The following NELL1 variants were observed in gnomAD, a reference collection of about 807,000 sequenced individuals.
NELL1 encodes protein kinase C-binding protein NELL1.
Under a neutral mutation model 107.4 loss-of-function variants are expected in NELL1, and 76 were observed. That is an observed-to-expected ratio of 0.71 (90% CI 0.59 to 0.86). NELL1 has a LOEUF of 0.86. Ranked by LOEUF, NELL1 falls within the 40% of genes least tolerant of loss-of-function variation. NELL1 has a pLI of 0.00. For missense variants in NELL1, 1,024 were observed against 1,005.5 expected (o/e 1.02, Z -0.25); for synonymous variants, 353 against 341.2 (o/e 1.03, Z -0.38).
chr11:20,803,077 C>T (rs934705933), intron 3 of NELL1, among the ~76,000 whole-genome samples: 1 of 151,998 alleles, frequency 6.6e-6, no homozygotes, highest in Non-Finnish European at 1.5e-5. Flanking sequence ...TAATGCTGCC[C>T]TGATATAATG....
intron 2 of NELL1, among the ~76,000 whole-genome samples, chr11:20,762,853 G>A (rs1856452357): frequency 6.6e-6 from 1 of 152,108 alleles, no homozygotes; most frequent in South Asian, 2.1e-4. Flanking sequence ...GGGACTTGAG[G>A]GAATAGTGGC....
intron 3 of NELL1, among the ~76,000 whole-genome samples, chr11:20,820,159 A>G (rs1278597175): frequency 6.6e-6 from 1 of 152,170 alleles, no homozygotes. Flanking sequence ...GGAGACTAGA[A>G]TAGTTGCTTA....
At chr11:21,380,585 G>A (rs1163780288) in intron 15 of NELL1, among the ~76,000 whole-genome samples, 1 of 152,016 alleles carries the variant, frequency 6.6e-6, no homozygotes, top group Non-Finnish European at 1.5e-5. Flanking sequence ...CTCTGCTAAA[G>A]ATCCAGCATA....
At chr11:21,434,293 A>G (rs922127919) in intron 15 of NELL1, among the ~76,000 whole-genome samples, 7 of 152,076 alleles carry the variant, frequency 4.6e-5, no homozygotes, top group African/African-American at 1.4e-4. Context: ...GCATTTCCTT[A>G]TAATTCTTCT....
chr11:20,973,155 C>T (rs895306052), intron 12 of NELL1, among the ~76,000 whole-genome samples: 1 of 136,718 alleles, frequency 7.3e-6, no homozygotes, highest in Non-Finnish European at 1.5e-5. Context: ...GTTGCCCAGG[C>T]TGGAGTGCAA....
At chr11:20,966,945 G>T (rs1404143505) in intron 12 of NELL1, among the ~76,000 whole-genome samples, 1 of 151,798 alleles carries the variant, frequency 6.6e-6, no homozygotes, top group African/African-American at 2.4e-5. Context: ...GTTAAAAGAA[G>T]GGGTAAATTC....
At chr11:21,117,105 A>G (rs1855255313) in intron 13 of NELL1, among the ~76,000 whole-genome samples, 2 of 151,734 alleles carry the variant, frequency 1.3e-5, no homozygotes, top group African/African-American at 2.4e-5. Flanking sequence ...TGCATGAGCT[A>G]TTGCCCTTTT....
At chr11:21,271,951 T>C (rs1848748128) in intron 14 of NELL1, among the ~76,000 whole-genome samples, 1 of 152,168 alleles carries the variant, frequency 6.6e-6, no homozygotes, top group Non-Finnish European at 1.5e-5. Flanking sequence ...TAGGAACAGC[T>C]CCAGTCCACA....
At chr11:20,689,996 T>C (rs11529175) in intron 2 of NELL1, among the ~76,000 whole-genome samples, 125,748 of 149,102 alleles carry the variant, frequency 0.84, 53,372 homozygotes, top group Non-Finnish European at 0.87. Context: ...TGTGAGATGG[T>C]ATCTCATTGT....
rs562497617 is a variant in NELL1, at chr11:21,411,182, C to T, written c.1645+40234C>T. Among the ~76,000 whole-genome samples, 4 of 152,102 alleles carry T rather than the reference C, an allele frequency of 2.6e-5. No homozygotes were observed. In the South Asian group the frequency reaches 8.3e-4, roughly 32 times the overall value. On this transcript the variant is annotated intron_variant, in intron 15 of 19. Coordinates refer to ENST00000357134, the MANE Select transcript of NELL1 (RefSeq NM_006157.5). ...AAGGTTGGGAGAATTAAGTGAGATA[C>T]TTATAAAGTTCTCTAGTGTAATGTC... is the stretch of plus-strand genomic sequence containing the variant.
At chr11:20,679,310 T>C (rs1413616389) in intron 2 of NELL1, among the ~76,000 whole-genome samples, 1 of 152,158 alleles carries the variant, frequency 6.6e-6, no homozygotes, top group African/African-American at 2.4e-5. Context: ...CCAGATACCA[T>C]AGTAAGGCAG....
chr11:20,746,320 T>C (rs535903315), intron 2 of NELL1, among the ~76,000 whole-genome samples: 2 of 152,300 alleles, frequency 1.3e-5, no homozygotes, highest in East Asian at 1.9e-4. Context: ...TAAGGTGACA[T>C]GGATGAGTGG....
At chr11:21,485,940 T>C (rs1395909282) in intron 15 of NELL1, among the ~76,000 whole-genome samples, 1 of 152,118 alleles carries the variant, frequency 6.6e-6, no homozygotes, top group Admixed American at 6.5e-5. Context: ...CTGCCACAGC[T>C]AGTACCTACC....
intron 12 of NELL1, among the ~76,000 whole-genome samples, chr11:21,010,595 A>G (rs536772599): frequency 6.6e-6 from 1 of 152,106 alleles, no homozygotes; most frequent in African/African-American, 2.4e-5. Flanking sequence ...TCAAAATCAA[A>G]GTGGTAATAC....
At chr11:20,928,994 T>G (rs1850559877) in intron 9 of NELL1, among the ~76,000 whole-genome samples, 1 of 152,228 alleles carries the variant, frequency 6.6e-6, no homozygotes, top group Admixed American at 6.5e-5. Flanking sequence ...TTCCATATAC[T>G]GTGCTGGATG....
Position 20,826,517 on chromosome 11 carries a change from C to T in NELL1, c.336-21066C>T, listed in dbSNP as rs181782021. Among the ~76,000 whole-genome samples the T allele has an allele frequency of 5.0e-4, 76 of 151,386 alleles. 3 individuals are homozygous for T. Among genetic ancestry groups the T allele is most frequent in the Non-Finnish European group, 1.8e-4 (12 of 67,568 alleles). ...AATTACTAAAGGAAAGGGGAGAGTG[C>T]ACACCAGGGGACAGCTGGCATTCTC... is the stretch of plus-strand genomic sequence containing the variant. On this transcript the variant is annotated intron_variant, in intron 3 of 19. Transcript: ENST00000357134.
At chr11:21,539,968 C>T (rs1856250731) in intron 16 of NELL1, among the ~76,000 whole-genome samples, 1 of 151,942 alleles carries the variant, frequency 6.6e-6, no homozygotes, top group South Asian at 2.1e-4. Flanking sequence ...GGACATCACA[C>T]ATCCTGAAGA....
chr11:21,111,255 T>C (rs531697100), intron 12 of NELL1, among the ~76,000 whole-genome samples: 82 of 152,226 alleles, frequency 5.4e-4, no homozygotes, highest in Admixed American at 5.4e-3. Context: ...ATGTGGCATT[T>C]TGTTCATCAG....
chr11:21,431,868 C>T (rs755915784), intron 15 of NELL1, among the ~76,000 whole-genome samples: 1 of 152,076 alleles, frequency 6.6e-6, no homozygotes, highest in Non-Finnish European at 1.5e-5. Context: ...CATGTATGTG[C>T]GCTCTGAATT....
Sources: gnomAD v4.1 joint callset for allele counts (sites outside exome capture counted in the v4.1 genomes callset) on GRCh38, gnomAD v4.1.1 for gene constraint, MANE v1.5 for transcripts, NCBI Gene and HGNC (gene_info 2026-07-23, HGNC 2026-07-21) for gene names.